MEF2D: variants seen among roughly 807,000 people sequenced by gnomAD.
The protein encoded by MEF2D is myocyte enhancer factor 2D.
MEF2D carries 10 observed loss-of-function variants against 59.3 expected under a neutral mutation model. The ratio of observed to expected loss-of-function variants is 0.17; its 90% CI spans 0.10 to 0.29. The LOEUF (loss-of-function observed/expected upper bound fraction) is 0.29. Ranked by LOEUF, MEF2D falls within the 10% of genes least tolerant of loss-of-function variation. The pLI is 1.00. For synonymous variants in MEF2D, 305 were observed against 295.0 expected (o/e 1.03, Z -0.35); for missense variants, 508 against 699.4 (o/e 0.73, Z 3.09).
At chr1:156,500,302 C>G (rs1273183908) in intron 1 of MEF2D, among the ~76,000 whole-genome samples, 184 bp downstream of exon 1, 2 of 152,206 alleles carry the variant, frequency 1.3e-5, no homozygotes, top group East Asian at 1.9e-4. Flanking sequence ...ACAAACAGTC[C>G]CCTAGGTAAT....
rs760271663 is a variant in MEF2D at position 156,477,211 on chromosome 1, G to A, written c.665-9C>T. The A allele has an allele frequency of 6.3e-6, 10 of 1,586,196 alleles. No homozygotes were observed. In the East Asian group the frequency reaches 2.2e-4, roughly 36 times the overall value. ...ACTGACGTAGCCATTCCCTGGAGAA[G>A]TGACAACAAGAGGGTAAAAGGAAAA... On this transcript the variant is annotated splice_polypyrimidine_tract_variant and intron_variant, in intron 6 of 11. Coordinates refer to ENST00000348159, the MANE Select transcript of MEF2D (RefSeq NM_005920.4).
chr1:156,469,914 T>G (rs541939190), intron 9 of MEF2D, among the ~76,000 whole-genome samples: 23 of 151,952 alleles, frequency 1.5e-4, no homozygotes, highest in Non-Finnish European at 2.9e-4. Flanking sequence ...ATCACTTTCA[T>G]AACAATTTAA....
intron 1 of MEF2D, among the ~76,000 whole-genome samples, chr1:156,496,549 C>G (rs1557899063): frequency 6.6e-6 from 1 of 152,174 alleles, no homozygotes; most frequent in Non-Finnish European, 1.5e-5. Flanking sequence ...CATCTGTGGT[C>G]TAACCTTAAT....
chr1:156,476,614 G>C (rs752302057), intron 7 of MEF2D, 100 bp from the exon 8 acceptor site: 71 of 1,458,230 alleles, frequency 4.9e-5, no homozygotes, highest in Non-Finnish European at 6.2e-5. Context: ...CTCTGCATAA[G>C]AGTAGGGTGG....
Position 156,495,762 on chromosome 1 carries a change from C to CAAAAAAA in MEF2D, c.-139+4717_-139+4723dup, listed in dbSNP as rs372092331. Among the ~76,000 whole-genome samples the CAAAAAAA allele has an allele frequency of 8.3e-4, 65 of 78,006 alleles. 13 individuals carry two copies. The East Asian group carries it at 0.024, about 29-fold the overall frequency. 51.2% of individuals were successfully genotyped at this position (78,006 alleles called of 152,430 possible). On this transcript the variant is annotated intron_variant, in intron 1 of 11. Coordinates refer to ENST00000348159, the MANE Select transcript of MEF2D (RefSeq NM_005920.4). Reference sequence around the variant, plus strand: ...GGGTAAAGCTCCTTTGACCAGGGGGCAAAAAAAAAAAAAAAAGCTCCCTCT... The same window carrying CAAAAAAA: ...GGGTAAAGCTCCTTTGACCAGGGGGCAAAAAAAAAAAAAAAAAAAAAAAGCTCCCTCT...
chr1:156,478,888 G>T (rs949641487), intron 6 of MEF2D, among the ~76,000 whole-genome samples: 3 of 152,158 alleles, frequency 2.0e-5, no homozygotes, highest in African/African-American at 7.2e-5. Context: ...GGATACTTCT[G>T]TAAGAGGGAG....
At chr1:156,469,488 C>T (rs1437056113) in intron 9 of MEF2D, among the ~76,000 whole-genome samples, 4 of 151,870 alleles carry the variant, frequency 2.6e-5, no homozygotes, top group Non-Finnish European at 4.4e-5. Flanking sequence ...AAACTCCTGA[C>T]CTCAAGTGAT....
At chr1:156,492,285 G>A (rs551333609) in intron 1 of MEF2D, among the ~76,000 whole-genome samples, 1 of 152,348 alleles carries the variant, frequency 6.6e-6, no homozygotes, top group Admixed American at 6.5e-5. Context: ...CAGGACAGCA[G>A]GTAGGACAGA....
chr1:156,476,975 T>C (rs1671654815), intron 7 of MEF2D, 37 bp downstream of exon 7: 1 of 1,611,082 alleles, frequency 6.2e-7, no homozygotes, highest in South Asian at 1.1e-5. Context: ...ACTCTTCCAT[T>C]CCCCAGCCCC....
At chr1:156,485,762 T>C (rs1157706770) in intron 1 of MEF2D, among the ~76,000 whole-genome samples, 1 of 151,652 alleles carries the variant, frequency 6.6e-6, no homozygotes, top group Admixed American at 6.6e-5. Context: ...TTCAAACTCC[T>C]GGGCTTAAGT....
chr1:156,490,297 C>T (rs1456169058), intron 1 of MEF2D, among the ~76,000 whole-genome samples: 1 of 151,990 alleles, frequency 6.6e-6, no homozygotes, highest in African/African-American at 2.4e-5. Flanking sequence ...CCCACAGCAG[C>T]CTCTTTTCTT....
Position 156,467,548 on chromosome 1 carries a change from GT to G in MEF2D, c.*96del. 1.1e-6 allele frequency: 1 copy of G among 879,706 alleles called. No individual in the cohort carries two copies. The highest frequency in any genetic ancestry group is 1.6e-6 in the Non-Finnish European group (1 of 626,458). The allele number at this position is 879,706 out of a possible 1,614,324, so 54.5% of individuals were successfully genotyped here. On this transcript the variant is annotated 3_prime_UTR_variant, in exon 12 of 12. Transcript: ENST00000348159. ...CAGGACACGAAGCACAAGAAAGGAA[GT>G]GGGGGTCGAGCGGGAGGAGCCCGGG... is the stretch of plus-strand genomic sequence containing the variant.
In MEF2D at chr1:156,490,193, G is replaced by T. The variant is rs1192638538; in HGVS notation, c.-138-6763C>A. Among the ~76,000 whole-genome samples the T allele has an allele frequency of 3.3e-5, 5 of 151,980 alleles. No homozygotes were observed. The East Asian group carries it at 7.7e-4, about 24-fold the overall frequency. On this transcript the variant is annotated intron_variant, in intron 1 of 11. Coordinates refer to ENST00000348159, the MANE Select transcript of MEF2D (RefSeq NM_005920.4). ...CAGCCCAATTCTCACAACCCCTCCT[G>T]CGAGGCCTGCTCCCCACGCCCCTAC...
At chr1:156,485,998 T>G (rs1049713581) in intron 1 of MEF2D, among the ~76,000 whole-genome samples, 9 of 152,098 alleles carry the variant, frequency 5.9e-5, no homozygotes, top group African/African-American at 2.2e-4. Flanking sequence ...TACAGGTGTC[T>G]GCCACCACAC....
At chr1:156,493,603 GC>G (rs1431956973) in intron 1 of MEF2D, among the ~76,000 whole-genome samples, 1 of 152,162 alleles carries the variant, frequency 6.6e-6, no homozygotes, top group Non-Finnish European at 1.5e-5. Flanking sequence ...CCTGCACAAG[GC>G]TATGCAGATA....
In MEF2D at chr1:156,467,192, G is replaced by C. The variant is rs1557872889; in HGVS notation, c.*453C>G. ...CCATCAAGCCCACTTTGGGGTTTCAGTCTAGAGTGTGGGTTTCTGTTGTTT... is the reference window on the plus strand; with the variant it reads ...CCATCAAGCCCACTTTGGGGTTTCACTCTAGAGTGTGGGTTTCTGTTGTTT... On this transcript the variant is annotated 3_prime_UTR_variant, in exon 12 of 12. Transcript: ENST00000348159. 1 of 146,430 alleles carries C rather than the reference G, an allele frequency of 6.8e-6. No homozygotes were observed. The highest frequency in any genetic ancestry group is 6.8e-5 in the Admixed American group (1 of 14,608). The allele number at this position is 146,430 out of a possible 1,614,324, so 9.1% of individuals were successfully genotyped here.
chr1:156,472,397 C>T (rs1671286826), intron 9 of MEF2D, among the ~76,000 whole-genome samples: 1 of 152,224 alleles, frequency 6.6e-6, no homozygotes, highest in African/African-American at 2.4e-5. Context: ...GGTGCACATG[C>T]AAGGGAGAAG....
chr1:156,475,615 G>C (rs1362642188), intron 8 of MEF2D, among the ~76,000 whole-genome samples: 1 of 152,262 alleles, frequency 6.6e-6, no homozygotes, highest in African/African-American at 2.4e-5. Context: ...CGCCCCGGCA[G>C]AGGCGTGCTG....
chr1:156,474,173 A>G (rs1671418062), intron 9 of MEF2D, among the ~76,000 whole-genome samples: 1 of 152,172 alleles, frequency 6.6e-6, no homozygotes, highest in African/African-American at 2.4e-5. Context: ...TAAAAAATAA[A>G]CAATGCTGGC....
Sources: gnomAD v4.1 joint callset for allele counts (sites outside exome capture counted in the v4.1 genomes callset) on GRCh38, gnomAD v4.1.1 for gene constraint, MANE v1.5 for transcripts, NCBI Gene and HGNC (gene_info 2026-07-23, HGNC 2026-07-21) for gene names.